WDPCP: variants seen among roughly 807,000 people sequenced by gnomAD.
The protein encoded by WDPCP is WD repeat containing planar cell polarity effector, also known as WD repeat-containing and planar cell polarity effector protein fritz homolog.
Under a neutral mutation model 93.1 loss-of-function variants are expected in WDPCP, and 71 were observed. The observed-to-expected ratio is 0.76, with a 90% CI of 0.63 to 0.93. The LOEUF (loss-of-function observed/expected upper bound fraction) is 0.93, where lower values mean the gene tolerates loss of function less well. WDPCP is among the 40% of genes least tolerant of loss of function. WDPCP has a pLI of 0.00. For missense variants in WDPCP, 844 were observed against 887.4 expected (o/e 0.95, Z 0.62); for synonymous variants, 315 against 315.0 (o/e 1.00, Z 0.00).
At chr2:63,574,874 T>G (rs1707802917) in intron 1 of WDPCP, among the ~76,000 whole-genome samples, 1 of 152,180 alleles carries the variant, frequency 6.6e-6, no homozygotes, top group Non-Finnish European at 1.5e-5. Flanking sequence ...TGGAACTGAT[T>G]ATTTCTCAGT....
intron 6 of WDPCP, among the ~76,000 whole-genome samples, chr2:63,467,449 G>A (rs1041604588): frequency 6.6e-6 from 1 of 150,838 alleles, no homozygotes. Flanking sequence ...TCCATCCTGG[G>A]CAACAGAGGG....
intron 1 of WDPCP, among the ~76,000 whole-genome samples, chr2:63,519,458 A>G (rs994200824): frequency 1.3e-5 from 2 of 152,312 alleles, no homozygotes; most frequent in Admixed American, 6.5e-5. Flanking sequence ...ACGGGCATGG[A>G]TCCCACTGAC....
intron 6 of WDPCP, among the ~76,000 whole-genome samples, chr2:63,467,913 A>C: frequency 6.6e-6 from 1 of 152,156 alleles, no homozygotes; most frequent in East Asian, 1.9e-4. Context: ...ACATCCTTTA[A>C]TGTAAATCTT....
rs11344156 is a variant in WDPCP, at chr2:63,120,524, ATTTT to A, written c.*1478_*1481del. Among the ~76,000 whole-genome samples the A allele has an allele frequency of 1.8e-5, 2 of 108,854 alleles. No individual in the cohort carries two copies. Among genetic ancestry groups the A allele is most frequent in the Non-Finnish European group, 3.8e-5 (2 of 52,838 alleles). 71.4% of individuals were successfully genotyped at this position (108,854 alleles called of 152,430 possible). ...TTGATTATTATTATAGATGTCTATA[ATTTT>A]TTTTTTTTTTTTTTTTGCAACGGAG... is the stretch of plus-strand genomic sequence containing the variant. On this transcript the variant is annotated 3_prime_UTR_variant, in exon 18 of 18. Transcript: ENST00000272321.
intron 2 of WDPCP, among the ~76,000 whole-genome samples, chr2:63,655,974 A>T (rs1710161846): frequency 6.6e-6 from 1 of 152,182 alleles, no homozygotes; most frequent in African/African-American, 2.4e-5. Context: ...TATTCTCAGA[A>T]ATAGGATTTC....
chr2:63,259,524 T>C, intron 13 of WDPCP, 115 bp from the exon 14 acceptor site: 4 of 874,970 alleles, frequency 4.6e-6, no homozygotes, highest in Non-Finnish European at 7.2e-6. Context: ...AGTTTGTAAA[T>C]ATTCTTTTCT....
At chr2:63,776,470 C>A (rs998824540) in intron 2 of WDPCP, among the ~76,000 whole-genome samples, 1 of 151,768 alleles carries the variant, frequency 6.6e-6, no homozygotes, top group Non-Finnish European at 1.5e-5. Context: ...GCCTGGGCAA[C>A]GTGGTAAAAC....
intron 2 of WDPCP, among the ~76,000 whole-genome samples, chr2:63,653,001 C>A (rs938685804): frequency 1.3e-4 from 17 of 134,050 alleles, no homozygotes; most frequent in African/African-American, 5.0e-4. Context: ...CAGTGCAGTA[C>A]TATGATGTTC....
chr2:63,619,448 A>G (rs1709708260), intron 3 of WDPCP, among the ~76,000 whole-genome samples: 1 of 152,168 alleles, frequency 6.6e-6, no homozygotes, highest in Non-Finnish European at 1.5e-5. Context: ...GCTTTCATAG[A>G]TTTTTGGTAC....
At position 63,335,426 on chromosome 2, in the gene WDPCP, A is replaced by ATTTT. The variant is rs34221663; in HGVS notation, c.1749-22119_1749-22116dup. 2.4e-3 allele frequency among the ~76,000 whole-genome samples: 349 copies of ATTTT among 146,946 alleles called. 3 individuals are homozygous for ATTTT. Among genetic ancestry groups the ATTTT allele is most frequent in the African/African-American group, 8.4e-3 (332 of 39,694 alleles). Reference sequence around the variant, plus strand: ...GATGCTATTGTAAATAGAATGAAAGATTTTTTTTTTTTTTGAGACAGGGTG... The same window carrying ATTTT: ...GATGCTATTGTAAATAGAATGAAAGATTTTTTTTTTTTTTTTTTGAGACAGGGTG... On this transcript the variant is annotated intron_variant, in intron 12 of 17. Coordinates refer to ENST00000272321, the MANE Select transcript of WDPCP (RefSeq NM_015910.7).
chr2:63,187,419 A>G (rs182451868), intron 14 of WDPCP, among the ~76,000 whole-genome samples: 8 of 152,146 alleles, frequency 5.3e-5, no homozygotes, highest in Admixed American at 5.2e-4. Flanking sequence ...TTTCCTGTAT[A>G]TCTTGTGGCT....
intron 14 of WDPCP, among the ~76,000 whole-genome samples, chr2:63,237,356 AGGGAATGCTTATACACTGTTGGT>A (rs1679487812): frequency 1.3e-5 from 2 of 152,304 alleles, no homozygotes; most frequent in South Asian, 4.1e-4. Flanking sequence ...TACAGAGAAA[AGGGAATGCTTATACACTGTTGGT>A]GGGAATGCAA....
chr2:63,806,012 C>A (rs1670757815), intron 2 of WDPCP, among the ~76,000 whole-genome samples: 1 of 151,964 alleles, frequency 6.6e-6, no homozygotes, highest in Admixed American at 6.6e-5. Flanking sequence ...CCCAGGGCAG[C>A]CTGAGGTGAG....
intron 17 of WDPCP, among the ~76,000 whole-genome samples, chr2:63,131,990 A>G (rs908436243): frequency 6.6e-6 from 1 of 151,852 alleles, no homozygotes; most frequent in African/African-American, 2.4e-5. Context: ...GTGTGCCACC[A>G]TGCCTGGCTA....
Position 63,743,300 on chromosome 2 carries a change from T to A in WDPCP, n.308+70322A>T, listed in dbSNP as rs116376139. Among the ~76,000 whole-genome samples, 651 of 152,202 alleles carry A rather than the reference T, an allele frequency of 4.3e-3. 3 individuals carry two copies. The highest frequency in any genetic ancestry group is 0.015 in the African/African-American group (611 of 41,540). On this transcript the variant is annotated intron_variant and non_coding_transcript_variant, in intron 2 of 4. Coordinates refer to the WDPCP transcript ENST00000467687. Reference sequence around the variant, plus strand: ...TTCTTCAGAGCATCAGACCCAACTATTTCAGTAAGGTCATCAATGTTAGAG... The same window carrying A: ...TTCTTCAGAGCATCAGACCCAACTAATTCAGTAAGGTCATCAATGTTAGAG...
At chr2:63,211,145 G>T (rs1338321416) in intron 14 of WDPCP, among the ~76,000 whole-genome samples, 1 of 152,216 alleles carries the variant, frequency 6.6e-6, no homozygotes, top group Non-Finnish European at 1.5e-5. Flanking sequence ...TCTGAGAATG[G>T]ACAGACTGCC....
chr2:63,137,992 T>C (rs887893338), intron 17 of WDPCP, among the ~76,000 whole-genome samples: 1 of 152,062 alleles, frequency 6.6e-6, no homozygotes, highest in Non-Finnish European at 1.5e-5. Context: ...GTAGCAATGA[T>C]GCCTCCAGCT....
chr2:63,717,461 G>A (rs1669355517), intron 2 of WDPCP: 1 of 392,316 alleles, frequency 2.5e-6, no homozygotes, highest in Non-Finnish European at 4.9e-6. Context: ...AGGTGGGAAA[G>A]AATTAAGGGC....
intron 2 of WDPCP, 52 bp downstream of exon 2, chr2:63,492,804 T>C: frequency 1.3e-6 from 2 of 1,520,226 alleles, no homozygotes; most frequent in Non-Finnish European, 1.8e-6. Flanking sequence ...TACTTATTTA[T>C]AATGGTGTAA....
Sources: allele counts gnomAD v4.1 joint callset (sites outside exome capture counted in the v4.1 genomes callset), GRCh38; gene constraint gnomAD v4.1.1; transcripts MANE v1.5; gene names NCBI Gene and HGNC (gene_info 2026-07-23, HGNC 2026-07-21).